Variants in CAST observed in about 807,000 individuals in gnomAD.
CAST encodes calpastatin.
CAST carries 76 observed loss-of-function variants against 119.6 expected under a neutral mutation model. That is an observed-to-expected ratio of 0.64 (90% CI 0.53 to 0.77). CAST has a LOEUF of 0.77. CAST is among the 30% of genes least tolerant of loss of function. CAST has a pLI of 0.00. For missense variants in CAST, 953 were observed against 946.5 expected (o/e 1.01, Z -0.09); for synonymous variants, 319 against 331.6 (o/e 0.96, Z 0.41).
intron 8 of CAST, among the ~76,000 whole-genome samples, chr5:96,730,138 G>A (rs989413643): frequency 2.6e-5 from 4 of 152,324 alleles, no homozygotes; most frequent in South Asian, 2.1e-4. Flanking sequence ...TTTTAGGGTC[G>A]TGTTGTAGAA....
At chr5:96,345,335 G>A in the CAST span, among the ~76,000 whole-genome samples, 1 of 151,996 alleles carries the variant, frequency 6.6e-6, no homozygotes, top group Non-Finnish European at 1.5e-5. Context: ...TACATGTGTT[G>A]GATGATACAC....
At chr5:96,537,861 A>AG (rs1234122580) in intron 1 of CAST, among the ~76,000 whole-genome samples, 4 of 152,064 alleles carry the variant, frequency 2.6e-5, no homozygotes, top group Non-Finnish European at 4.4e-5. Flanking sequence ...AATGTTTTTG[A>AG]GGGGGGGAGC....
chr5:96,707,092 G>T (rs1261712260), intron 3 of CAST, among the ~76,000 whole-genome samples: 3 of 152,148 alleles, frequency 2.0e-5, no homozygotes, highest in African/African-American at 7.2e-5. Context: ...TCTTTCTAAT[G>T]ATTCATTTTC....
At chr5:96,480,604 G>T in the CAST span, among the ~76,000 whole-genome samples, 1 of 152,124 alleles carries the variant, frequency 6.6e-6, no homozygotes, top group Non-Finnish European at 1.5e-5. Context: ...GTGAGATATG[G>T]CCTAGAAATG....
chr5:96,297,237 G>A, the CAST span, among the ~76,000 whole-genome samples: 50 of 152,306 alleles, frequency 3.3e-4, no homozygotes, highest in Middle Eastern at 3.4e-3. Context: ...TGACTGAGTG[G>A]TTGTCCTTTC....
the CAST span, among the ~76,000 whole-genome samples, chr5:96,157,611 G>A: frequency 4.6e-5 from 7 of 152,172 alleles, no homozygotes; most frequent in Admixed American, 2.0e-4. Context: ...CATTAGAATC[G>A]TGAAACTGTT....
At chr5:96,764,425 A>C (rs773556623) in intron 25 of CAST, among the ~76,000 whole-genome samples, 1 of 152,208 alleles carries the variant, frequency 6.6e-6, no homozygotes, top group Non-Finnish European at 1.5e-5. Context: ...ATTGTTGTCC[A>C]TAATTTTTTT....
intron 20 of CAST, among the ~76,000 whole-genome samples, chr5:96,752,963 C>CACACACACACAT (rs1421447701): frequency 2.5e-5 from 3 of 119,150 alleles, no homozygotes; most frequent in Non-Finnish European, 5.2e-5. Context: ...GCATTTTATA[C>CACACACACACAT]ACACACACAC....
the CAST span, among the ~76,000 whole-genome samples, chr5:96,416,449 G>A: frequency 6.6e-6 from 1 of 152,234 alleles, no homozygotes; most frequent in Non-Finnish European, 1.5e-5. Context: ...TAAGAACACA[G>A]TGAGTGTTAA....
the CAST span, among the ~76,000 whole-genome samples, chr5:96,320,629 C>T: frequency 6.6e-6 from 1 of 152,172 alleles, no homozygotes; most frequent in Non-Finnish European, 1.5e-5. Flanking sequence ...TTAACATAAA[C>T]AAAACCTGAA....
chr5:96,198,212 G>A, the CAST span, among the ~76,000 whole-genome samples: 1 of 152,084 alleles, frequency 6.6e-6, no homozygotes, highest in Non-Finnish European at 1.5e-5. Flanking sequence ...CCCTCCTCCT[G>A]TCTCTATCCC....
At chr5:96,496,708 C>T in the CAST span, among the ~76,000 whole-genome samples, 2 of 152,120 alleles carry the variant, frequency 1.3e-5, no homozygotes, top group Admixed American at 1.3e-4. Flanking sequence ...ATCATCTATT[C>T]TATAGATGAA....
chr5:96,609,079 C>T (rs1313949083), intron 1 of CAST, among the ~76,000 whole-genome samples: 5 of 152,196 alleles, frequency 3.3e-5, no homozygotes, highest in African/African-American at 4.8e-5. Context: ...ACAGCCTGTC[C>T]AGCCTCAGAC....
chr5:96,313,587 G>A, the CAST span, among the ~76,000 whole-genome samples: 1 of 152,130 alleles, frequency 6.6e-6, no homozygotes, highest in Non-Finnish European at 1.5e-5. Flanking sequence ...CCAACTTTAA[G>A]CATTTATGAA....
the CAST span, among the ~76,000 whole-genome samples, chr5:96,094,847 C>T: frequency 6.6e-6 from 1 of 152,192 alleles, no homozygotes; most frequent in Admixed American, 6.5e-5. Context: ...ACAAGCAATA[C>T]AGAGGCTTGC....
the CAST span, among the ~76,000 whole-genome samples, chr5:96,010,926 G>A: frequency 1.3e-5 from 2 of 152,090 alleles, no homozygotes; most frequent in African/African-American, 4.8e-5. Context: ...ATATAGAAAT[G>A]TTACTGATTT....
chr5:96,432,108 G>A, the CAST span: 2 of 1,535,402 alleles, frequency 1.3e-6, no homozygotes, highest in Admixed American at 2.0e-5. Flanking sequence ...GAAAGAAATA[G>A]ATCCCTTCCC....
At chr5:96,532,122 C>A (rs1048421799) in intron 1 of CAST, among the ~76,000 whole-genome samples, 1 of 151,840 alleles carries the variant, frequency 6.6e-6, no homozygotes, top group Non-Finnish European at 1.5e-5. Flanking sequence ...AGACTGAAAA[C>A]CAAAGGATAT....
the CAST span, among the ~76,000 whole-genome samples, chr5:96,113,547 A>G: frequency 6.6e-6 from 1 of 152,258 alleles, no homozygotes; most frequent in Non-Finnish European, 1.5e-5. Context: ...AGAAAGTTTT[A>G]GGAACTTAGT....
Sources: allele counts gnomAD v4.1 joint callset (sites outside exome capture counted in the v4.1 genomes callset), GRCh38; gene constraint gnomAD v4.1.1; transcripts MANE v1.5; gene names NCBI Gene and HGNC (gene_info 2026-07-23, HGNC 2026-07-21).